Variants in PHEX observed in about 807,000 individuals in gnomAD.
PHEX encodes the protein phosphate-regulating neutral endopeptidase PHEX.
A neutral mutation model predicts 68.0 loss-of-function variants in PHEX; 16 were observed. The ratio of observed to expected loss-of-function variants is 0.24; its 90% confidence interval spans 0.16 to 0.36. The LOEUF is 0.36. Ranked by LOEUF, PHEX falls within the 10% of genes least tolerant of loss-of-function variation. The probability of loss-of-function intolerance (pLI) is 1.00; values close to 1 mark genes in which losing one functional copy is unlikely to be tolerated. For synonymous variants in PHEX, 208 were observed against 205.1 expected (o/e 1.01, Z -0.12); for missense variants, 480 against 575.5 (o/e 0.83, Z 1.70).
At chrX:22,086,471 T>C (rs918852924) in intron 5 of PHEX, among the ~76,000 whole-genome samples, 2 of 112,080 alleles carry the variant, frequency 1.8e-5, no homozygotes, top group Admixed American at 1.9e-4. Context: ...GTAGAAACTA[T>C]GAGTCAGGGA....
At chrX:22,135,046 G>A (rs1932173346) in intron 12 of PHEX, among the ~76,000 whole-genome samples, 1 of 112,435 alleles carries the variant, frequency 8.9e-6, no homozygotes, top group Admixed American at 9.4e-5. Context: ...ACTGGAGATG[G>A]ATAAACATTG....
chrX:22,219,520 C>T (rs1935200598), intron 17 of PHEX, among the ~76,000 whole-genome samples: 1 of 112,537 alleles, frequency 8.9e-6, no homozygotes, highest in South Asian at 3.7e-4. Flanking sequence ...TGAGTTAGGA[C>T]TCTGGAGCTT....
chrX:22,160,189 C>A (rs1569414718), intron 12 of PHEX, among the ~76,000 whole-genome samples: 1 of 111,461 alleles, frequency 9.0e-6, no homozygotes, highest in East Asian at 2.8e-4. Context: ...GGGGAGGCCT[C>A]ACAATCATGG....
In PHEX at chrX:22,111,536, G is replaced by A. The variant is rs779998335; in HGVS notation, c.1149G>A (p.Gln383=). ...SRIPNLSRRF[Q]YRWLEFSRVI... is the part of the protein sequence containing the mutation. ...TTCCAAACCTTAGCAGGCGCTTTCA[G>A]TATAGATGGCTGGAATTCTCAAGGG... is the stretch of plus-strand genomic sequence containing the variant. The change falls in exon 10 of 22, where the codon CAG becomes CAA. Residue 383 remains glutamine, a synonymous_variant. Transcript: ENST00000379374. The A allele has an allele frequency of 5.8e-6, 7 of 1,200,972 alleles. No individual in the cohort carries two copies. The Admixed American group carries it at 8.7e-5, about 15-fold the overall frequency.
intron 20 of PHEX, among the ~76,000 whole-genome samples, chrX:22,230,810 C>T (rs925172513): frequency 5.4e-5 from 6 of 111,633 alleles, no homozygotes; most frequent in African/African-American, 2.0e-4. Flanking sequence ...ACTTCCAATA[C>T]TATGTTGAAT....
Position 22,229,460 on chromosome X carries a change from A to G in PHEX, c.2070+1849A>G, listed in dbSNP as rs191880228. 2.1e-4 allele frequency among the ~76,000 whole-genome samples: 24 copies of G among 112,081 alleles called. 1 individual carries two copies. In the East Asian group the frequency reaches 6.2e-3, roughly 29 times the overall value. ...TAACAGGCATGAGATGGTATCTCAT[A>G]GTGGTTTTGATTTGCATTTCTCTAA... On this transcript the variant is annotated intron_variant, in intron 20 of 21. Coordinates refer to ENST00000379374, the MANE Select transcript of PHEX (RefSeq NM_000444.6).
chrX:22,133,630 G>A lies in PHEX; in HGVS notation c.1404+6G>A. On this transcript the variant is annotated splice_donor_region_variant and intron_variant, in intron 12 of 21. Coordinates refer to ENST00000379374, the MANE Select transcript of PHEX (RefSeq NM_000444.6). The stretch of plus-strand genomic sequence containing the variant: ...AAAGGAAAGCCAAAGAAAAGGTAAG[G>A]ATTCCTTTTGATGAAAAAAAAATAA... 8.9e-7 allele frequency: 1 copy of A among 1,125,688 alleles called. No homozygotes were observed. The highest frequency in any genetic ancestry group is 1.2e-6 in the Non-Finnish European group (1 of 818,267). The allele number at this position is 1,125,688 out of a possible 1,213,427, so 92.8% of individuals were successfully genotyped here. A position where few individuals can be genotyped will look rare whatever the true frequency, so the allele number is the denominator to read the frequency against.
chrX:22,118,304 G>T (rs1363431267), intron 11 of PHEX, among the ~76,000 whole-genome samples: 1 of 83,893 alleles, frequency 1.2e-5, no homozygotes. Context: ...TGCGCAGCAA[G>T]GTCTTCTCAT....
chrX:22,168,416 T>C (rs773559999), intron 13 of PHEX, 27 bp downstream of exon 13: 1 of 1,014,869 alleles, frequency 9.9e-7, no homozygotes, highest in Non-Finnish European at 1.4e-6. Flanking sequence ...CTGTACTTTT[T>C]TTTTTCTGGC....
chrX:22,099,324 A>C, intron 9 of PHEX, 173 bp downstream of exon 9: 1 of 473,279 alleles, frequency 2.1e-6, no homozygotes, highest in Non-Finnish European at 3.7e-6. Context: ...GTCTGGTGTA[A>C]TTTACTTGCT....
intron 1 of PHEX, among the ~76,000 whole-genome samples, chrX:22,035,675 T>A (rs1295278430): frequency 9.0e-6 from 1 of 111,585 alleles, no homozygotes; most frequent in East Asian, 2.8e-4. Flanking sequence ...TGACCCCTGC[T>A]TTCTGGCCAT....
At chrX:22,088,852 G>A (rs775688742) in intron 5 of PHEX, among the ~76,000 whole-genome samples, 2 of 111,784 alleles carry the variant, frequency 1.8e-5, no homozygotes, top group South Asian at 7.4e-4. Context: ...TTATTGTCAT[G>A]TCTAAAAACT....
chrX:22,133,124 G>A (rs774787588), intron 11 of PHEX, among the ~76,000 whole-genome samples: 1 of 111,655 alleles, frequency 9.0e-6, no homozygotes, highest in African/African-American at 3.3e-5. Context: ...GGGCTCAAGG[G>A]ATCTGCTCAT....
chrX:22,198,145 A>G (rs1195008047), intron 15 of PHEX, among the ~76,000 whole-genome samples: 2 of 104,484 alleles, frequency 1.9e-5, no homozygotes, highest in Admixed American at 2.2e-4. Context: ...TATAATATTT[A>G]TATAATATAT....
intron 2 of PHEX, among the ~76,000 whole-genome samples, chrX:22,046,311 A>C (rs1927525651): frequency 8.9e-6 from 1 of 112,155 alleles, no homozygotes. Context: ...TACTTCTGCC[A>C]ATTCTGTTGG....
chrX:22,233,695 T>C (rs1221322613), intron 20 of PHEX, among the ~76,000 whole-genome samples: 2 of 111,364 alleles, frequency 1.8e-5, no homozygotes, highest in African/African-American at 6.5e-5. Context: ...CTGGTTATTC[T>C]AGCTAGCAAT....
intron 20 of PHEX, among the ~76,000 whole-genome samples, chrX:22,236,234 C>T (rs1205944868): frequency 8.9e-6 from 1 of 112,318 alleles, no homozygotes; most frequent in Non-Finnish European, 1.9e-5. Context: ...TCCATAAACT[C>T]TTCCCCAAGG....
chrX:22,081,637 A>G (rs904438956), intron 5 of PHEX, among the ~76,000 whole-genome samples: 3 of 111,432 alleles, frequency 2.7e-5, no homozygotes, highest in African/African-American at 9.8e-5. Flanking sequence ...TCTAAGGGTT[A>G]GATATATCCC....
intron 11 of PHEX, among the ~76,000 whole-genome samples, chrX:22,119,877 G>A (rs1931412121): frequency 9.0e-6 from 1 of 110,792 alleles, no homozygotes. Context: ...GATTATAGAC[G>A]TGAGCCACCA....
Sources: gnomAD v4.1 joint callset for allele counts (sites outside exome capture counted in the v4.1 genomes callset) on GRCh38, gnomAD v4.1.1 for gene constraint, MANE v1.5 for transcripts, NCBI Gene and HGNC (gene_info 2026-07-23, HGNC 2026-07-21) for gene names.